Variants in CPED1 observed in about 807,000 individuals in gnomAD.
CPED1 encodes cadherin like and PC-esterase domain containing 1.
CPED1 carries 114 observed loss-of-function variants against 128.2 expected under a neutral mutation model. The ratio of observed to expected loss-of-function variants is 0.89; its 90% CI spans 0.76 to 1.04. The LOEUF (loss-of-function observed/expected upper bound fraction) is 1.04. Among genes scored for constraint, CPED1 ranks in the 50% least tolerant of loss-of-function variants. The pLI, the probability that CPED1 is intolerant of heterozygous loss-of-function variation, is 0.00. For missense variants in CPED1, 1,211 were observed against 1,207.1 expected (o/e 1.00, Z -0.05); for synonymous variants, 462 against 426.7 (o/e 1.08, Z -1.02).
chr7:121,251,377 C>A (rs915030628), intron 18 of CPED1, among the ~76,000 whole-genome samples: 1 of 152,154 alleles, frequency 6.6e-6, no homozygotes, highest in Non-Finnish European at 1.5e-5. Flanking sequence ...TGGACAAAAA[C>A]TGGAAGCATT....
chr7:120,995,865 C>T (rs1358268457), intron 2 of CPED1, among the ~76,000 whole-genome samples: 1 of 151,588 alleles, frequency 6.6e-6, no homozygotes, highest in East Asian at 1.9e-4. Context: ...TTTTTTTATT[C>T]TTCTTCCTCT....
In CPED1 at chr7:121,127,175, T is replaced by A. The variant is rs751938279; in HGVS notation, c.1220T>A (p.Phe407Tyr). 6.3e-7 allele frequency: 1 copy of A among 1,592,410 alleles called. No individual in the cohort carries two copies. The highest frequency in any genetic ancestry group is 8.6e-7 in the Non-Finnish European group (1 of 1,162,084). ...NTEEFLLNDT[F>Y]NFLFPNESSL... ...GAAGAATTCCTTTTAAATGACACTTTCAATTTTCTCTTCCCTAATGAATCA... is the reference window on the plus strand; with the variant it reads ...GAAGAATTCCTTTTAAATGACACTTACAATTTTCTCTTCCCTAATGAATCA... The change falls in exon 10 of 23, where the codon TTC becomes TAC. Residue 407 changes from phenylalanine to tyrosine, a missense_variant. Transcript: ENST00000310396.
At chr7:121,034,519 T>C (rs1318943248) in intron 3 of CPED1, among the ~76,000 whole-genome samples, 1 of 152,156 alleles carries the variant, frequency 6.6e-6, no homozygotes, top group Non-Finnish European at 1.5e-5. Context: ...GTGCTGAGAT[T>C]ACAGGTGTGA....
intron 2 of CPED1, among the ~76,000 whole-genome samples, chr7:120,990,420 G>A (rs1796291185): frequency 6.6e-6 from 1 of 151,944 alleles, no homozygotes; most frequent in Non-Finnish European, 1.5e-5. Context: ...CAAAAGAATT[G>A]ATACAATGTA....
rs544389819 is a variant in CPED1 at position 121,127,309 on chromosome 7, A to AG, written c.1302+54dup. 2.0e-4 allele frequency: 233 copies of AG among 1,170,512 alleles called. 2 individuals are homozygous for AG. The South Asian group carries it at 3.1e-3, about 16-fold the overall frequency. The allele number at this position is 1,170,512 out of a possible 1,614,324, so 72.5% of individuals were successfully genotyped here. ...ATATTTTTTCAAGTCATTCCTTAGA[A>AG]GGTGTCATTCTCCTTATTCTGCAAT... On this transcript the variant is annotated intron_variant, in intron 10 of 22. Coordinates refer to ENST00000310396, the MANE Select transcript of CPED1 (RefSeq NM_024913.5).
intron 16 of CPED1, among the ~76,000 whole-genome samples, chr7:121,148,364 T>G (rs759380638): frequency 5.3e-5 from 8 of 152,200 alleles, no homozygotes; most frequent in Admixed American, 3.9e-4. Flanking sequence ...TTTTGTTATG[T>G]GCCAGGCATT....
chr7:120,995,183 T>C (rs1424905908), intron 2 of CPED1, among the ~76,000 whole-genome samples: 1 of 152,204 alleles, frequency 6.6e-6, no homozygotes, highest in Admixed American at 6.5e-5. Flanking sequence ...TGTACTTCCT[T>C]GTTACCTCTC....
chr7:121,154,492 T>C (rs1437001890), intron 16 of CPED1, among the ~76,000 whole-genome samples: 2 of 151,994 alleles, frequency 1.3e-5, no homozygotes, highest in African/African-American at 4.8e-5. Flanking sequence ...GATAAGGATT[T>C]TTATCACAAA....
intron 7 of CPED1, among the ~76,000 whole-genome samples, chr7:121,110,096 A>G (rs1795071271): frequency 1.3e-5 from 2 of 152,312 alleles, no homozygotes; most frequent in South Asian, 4.1e-4. Context: ...AAGTCCTTGT[A>G]CAAACTCTAT....
At chr7:121,081,088 T>C (rs550096669) in intron 5 of CPED1, among the ~76,000 whole-genome samples, 9 of 152,326 alleles carry the variant, frequency 5.9e-5, no homozygotes, top group South Asian at 2.1e-4. Context: ...ATGCTCGTTA[T>C]GACTAGTCTC....
intron 3 of CPED1, among the ~76,000 whole-genome samples, chr7:121,022,827 G>C (rs1298515826): frequency 2.0e-5 from 3 of 151,964 alleles, no homozygotes; most frequent in African/African-American, 7.2e-5. Context: ...ATGCTCTGTA[G>C]TTTATTTCTT....
intron 7 of CPED1, among the ~76,000 whole-genome samples, chr7:121,104,808 A>T (rs1356080835): frequency 2.0e-5 from 3 of 152,116 alleles, no homozygotes; most frequent in South Asian, 4.1e-4. Flanking sequence ...GCATGAAGAA[A>T]TTGCCTGAGT....
At chr7:121,020,096 A>T (rs1245922159) in intron 3 of CPED1, among the ~76,000 whole-genome samples, 2 of 152,068 alleles carry the variant, frequency 1.3e-5, no homozygotes, top group African/African-American at 2.4e-5. Context: ...ATTGAAAAGG[A>T]TATACAAATA....
At chr7:121,183,981 A>T (rs1256941379) in intron 16 of CPED1, among the ~76,000 whole-genome samples, 1 of 152,046 alleles carries the variant, frequency 6.6e-6, no homozygotes, top group South Asian at 2.1e-4. Flanking sequence ...TTCTACTGAA[A>T]ATACAAAAAT....
intron 18 of CPED1, among the ~76,000 whole-genome samples, chr7:121,258,399 A>G (rs1361164911): frequency 6.6e-6 from 1 of 152,124 alleles, no homozygotes; most frequent in African/African-American, 2.4e-5. Context: ...AGAGGTGGGC[A>G]CTGGATCCAG....
chr7:121,111,061 A>G (rs1458044427), intron 7 of CPED1, among the ~76,000 whole-genome samples: 3 of 152,178 alleles, frequency 2.0e-5, no homozygotes, highest in Non-Finnish European at 4.4e-5. Context: ...ATGGGGGAGC[A>G]ACCAGTCAGG....
chr7:121,284,803 T>A (rs1792533197), intron 22 of CPED1, among the ~76,000 whole-genome samples: 1 of 152,186 alleles, frequency 6.6e-6, no homozygotes, highest in Non-Finnish European at 1.5e-5. Context: ...CAGCTGCTTT[T>A]ACAGGATGGC....
Position 121,124,320 on chromosome 7 carries a change from T to C in CPED1, c.919-11T>C, listed in dbSNP as rs374353575. ...TTGTTTTAACACGTGAATCCTTTAC[T>C]TTGTTCACAGCTGCAAACATTTTTT... On this transcript the variant is annotated splice_polypyrimidine_tract_variant and intron_variant, in intron 7 of 22. Coordinates refer to ENST00000310396, the MANE Select transcript of CPED1 (RefSeq NM_024913.5). 4.4e-6 allele frequency: 7 copies of C among 1,597,482 alleles called. No individual in the cohort carries two copies. In the African/African-American group the frequency reaches 8.1e-5, roughly 18 times the overall value.
intron 7 of CPED1, among the ~76,000 whole-genome samples, chr7:121,106,005 G>A (rs1271090701): frequency 1.3e-5 from 2 of 152,108 alleles, no homozygotes; most frequent in Non-Finnish European, 2.9e-5. Flanking sequence ...AAAAAGGCAA[G>A]CAATGTGTTT....
Sources: allele counts gnomAD v4.1 joint callset (sites outside exome capture counted in the v4.1 genomes callset), GRCh38; gene constraint gnomAD v4.1.1; transcripts MANE v1.5; gene names NCBI Gene and HGNC (gene_info 2026-07-23, HGNC 2026-07-21).